The following CAMK1D variants were observed in gnomAD, a reference collection of about 807,000 sequenced individuals.
The protein encoded by CAMK1D is calcium/calmodulin dependent protein kinase ID.
Under a neutral mutation model 47.7 loss-of-function variants are expected in CAMK1D, and 9 were observed. The observed-to-expected ratio is 0.19, with a 90% CI of 0.11 to 0.33. The LOEUF is 0.33. Among genes scored for constraint, CAMK1D ranks in the 10% least tolerant of loss-of-function variants. CAMK1D has a pLI of 1.00. For synonymous variants in CAMK1D, 184 were observed against 184.9 expected, an observed-to-expected ratio of 0.99 and a Z score of 0.04; for missense variants, 291 against 488.7, an observed-to-expected ratio of 0.60 and a Z score of 3.81.
intron 2 of CAMK1D, among the ~76,000 whole-genome samples, chr10:12,561,502 C>A (rs12764138): frequency 0.48 from 72,480 of 151,764 alleles, 18,525 homozygotes; most frequent in Non-Finnish European, 0.58. Flanking sequence ...TATTTAGTGT[C>A]CTTCCTCCTT....
intron 1 of CAMK1D, among the ~76,000 whole-genome samples, chr10:12,463,944 C>T (rs955138582): frequency 6.6e-6 from 1 of 152,114 alleles, no homozygotes; most frequent in Non-Finnish European, 1.5e-5. Flanking sequence ...GAAGAAGATG[C>T]CTTGCTTCCC....
chr10:12,498,293 C>T (rs932078064), intron 1 of CAMK1D, among the ~76,000 whole-genome samples: 4 of 152,108 alleles, frequency 2.6e-5, no homozygotes, highest in African/African-American at 9.7e-5. Context: ...CTCTCCAAAC[C>T]CTGGACCTGG....
intron 2 of CAMK1D, among the ~76,000 whole-genome samples, chr10:12,587,865 A>G (rs921280505): frequency 1.3e-5 from 2 of 152,012 alleles, no homozygotes; most frequent in Non-Finnish European, 2.9e-5. Context: ...ACCCAGAGAC[A>G]TAAATTAGGG....
At chr10:12,458,341 CA>C (rs1833319195) in intron 1 of CAMK1D, among the ~76,000 whole-genome samples, 1 of 152,190 alleles carries the variant, frequency 6.6e-6, no homozygotes, top group Admixed American at 6.5e-5. Flanking sequence ...GAGAGGAGTC[CA>C]TGCTGAGGCC....
At chr10:12,377,756 C>T (rs1838225434) in intron 1 of CAMK1D, among the ~76,000 whole-genome samples, 1 of 152,092 alleles carries the variant, frequency 6.6e-6, no homozygotes, top group African/African-American at 2.4e-5. Context: ...TTAAAAATCT[C>T]GAACACCCAG....
intron 1 of CAMK1D, among the ~76,000 whole-genome samples, chr10:12,496,564 C>T (rs2132130918): frequency 6.6e-6 from 1 of 152,276 alleles, no homozygotes; most frequent in Non-Finnish European, 1.5e-5. Flanking sequence ...GAACTATGGC[C>T]TCCATTCTGA....
intron 1 of CAMK1D, 30 bp downstream of exon 1, chr10:12,349,940 A>G (rs1837298258): frequency 2.1e-6 from 3 of 1,411,834 alleles, no homozygotes; most frequent in African/African-American, 1.5e-5. Flanking sequence ...GCGAGGGTGG[A>G]GGTGGCCGCG....
At chr10:12,728,402 T>C (rs1834751822) in intron 3 of CAMK1D, among the ~76,000 whole-genome samples, 1 of 152,222 alleles carries the variant, frequency 6.6e-6, no homozygotes, top group Non-Finnish European at 1.5e-5. Flanking sequence ...TGTGTTATAA[T>C]GTTAGTCCAT....
chr10:12,605,680 C>T (rs974995505), intron 2 of CAMK1D, among the ~76,000 whole-genome samples: 5 of 152,180 alleles, frequency 3.3e-5, no homozygotes, highest in African/African-American at 1.2e-4. Flanking sequence ...AGGAGGGGAG[C>T]CCTGGGGGCT....
intron 3 of CAMK1D, among the ~76,000 whole-genome samples, chr10:12,715,221 A>G (rs1264744524): frequency 6.6e-6 from 1 of 152,100 alleles, no homozygotes; most frequent in Admixed American, 6.6e-5. Flanking sequence ...CCCCATGCCT[A>G]TAGCTTTTTG....
intron 2 of CAMK1D, among the ~76,000 whole-genome samples, chr10:12,595,693 C>G (rs951561347): frequency 6.6e-6 from 1 of 152,170 alleles, no homozygotes; most frequent in Non-Finnish European, 1.5e-5. Flanking sequence ...CAGCTGCCCA[C>G]TTTCTGGTCC....
intron 3 of CAMK1D, among the ~76,000 whole-genome samples, chr10:12,731,037 AGGTTTT>A (rs1242952645): frequency 6.6e-6 from 1 of 152,094 alleles, no homozygotes; most frequent in South Asian, 2.1e-4. Context: ...GATCAAGATA[AGGTTTT>A]GGTTTTGGTT....
chr10:12,803,077 T>C (rs1838557451), intron 6 of CAMK1D, among the ~76,000 whole-genome samples: 1 of 152,252 alleles, frequency 6.6e-6, no homozygotes, highest in South Asian at 2.1e-4. Context: ...TAATCTTTCA[T>C]GCATTTAATT....
rs572325003 is a variant in CAMK1D, at chr10:12,565,543, C to T, written c.224+12187C>T. The stretch of plus-strand genomic sequence containing the variant: ...TGCTGGAATTACAGGCGTGAGCTGC[C>T]GCGCCTGGCGACATCTCAGTTTTGT... On this transcript the variant is annotated intron_variant, in intron 2 of 10. Coordinates refer to ENST00000619168, the MANE Select transcript of CAMK1D (RefSeq NM_153498.4). Among the ~76,000 whole-genome samples the T allele has an allele frequency of 5.3e-5, 8 of 152,316 alleles. No individual in the cohort carries two copies. In the South Asian group the frequency reaches 6.2e-4, roughly 12 times the overall value.
intron 2 of CAMK1D, among the ~76,000 whole-genome samples, chr10:12,567,436 C>T (rs545775119): frequency 3.9e-5 from 6 of 152,130 alleles, no homozygotes; most frequent in Non-Finnish European, 7.4e-5. Flanking sequence ...ATGGGGCAGC[C>T]GATGAGCTGA....
intron 5 of CAMK1D, among the ~76,000 whole-genome samples, 199 bp from the exon 6 acceptor site, chr10:12,790,959 G>A (rs1464278193): frequency 6.6e-6 from 1 of 151,814 alleles, no homozygotes; most frequent in Non-Finnish European, 1.5e-5. Flanking sequence ...TTGTGCCACT[G>A]TACCCCAGCC....
At chr10:12,478,792 G>A (rs1236735030) in intron 1 of CAMK1D, among the ~76,000 whole-genome samples, 1 of 152,052 alleles carries the variant, frequency 6.6e-6, no homozygotes, top group Non-Finnish European at 1.5e-5. Context: ...TCTCTCTCAT[G>A]CTCTCCTTTA....
chr10:12,592,410 A>G (rs1838023918), intron 2 of CAMK1D, among the ~76,000 whole-genome samples: 1 of 152,212 alleles, frequency 6.6e-6, no homozygotes, highest in Admixed American at 6.5e-5. Context: ...AAACATCAAT[A>G]ATGAACTTTA....
At chr10:12,504,952 A>G (rs1834825204) in intron 1 of CAMK1D, among the ~76,000 whole-genome samples, 1 of 152,202 alleles carries the variant, frequency 6.6e-6, no homozygotes, top group Non-Finnish European at 1.5e-5. Flanking sequence ...GGTGCTGCTT[A>G]GAAACTGGAA....
Sources: gnomAD v4.1 joint callset for allele counts (sites outside exome capture counted in the v4.1 genomes callset) on GRCh38, gnomAD v4.1.1 for gene constraint, MANE v1.5 for transcripts, NCBI Gene and HGNC (gene_info 2026-07-23, HGNC 2026-07-21) for gene names.